CEBPZOS: variants seen among roughly 807,000 people sequenced by gnomAD.
CEBPZOS encodes the protein protein CEBPZOS.
CEBPZOS carries 10 observed loss-of-function variants against 4.8 expected under a neutral mutation model. The ratio of observed to expected loss-of-function variants is 2.07; its 90% confidence interval spans 1.28 to 3.52. The LOEUF is 3.52. CEBPZOS is among the 30% of genes most tolerant of loss of function. The pLI, the probability that CEBPZOS is intolerant of heterozygous loss-of-function variation, is 0.00. For synonymous variants in CEBPZOS, 25 were observed against 14.2 expected, an observed-to-expected ratio of 1.77 and a Z score of -1.72; for missense variants, 98 against 43.6, an observed-to-expected ratio of 2.25 and a Z score of -3.51.
rs1222154099 is a variant in CEBPZOS, at chr2:37,204,628, A to C, written c.*2768A>C. The C allele has an allele frequency of 6.6e-6, 1 of 152,104 alleles. No homozygotes were observed. Among genetic ancestry groups the C allele is most frequent in the African/African-American group, 2.4e-5 (1 of 41,414 alleles). The allele number at this position is 152,104 out of a possible 1,614,324, so 9.4% of individuals were successfully genotyped here. On this transcript the variant is annotated 3_prime_UTR_variant, in exon 5 of 5. Transcript: ENST00000402297. ...CTCATTGTGTTGCCCAGGCTGATTAAAGTTTCTATAAGGTATGTTTATTCT... is the reference window on the plus strand; with the variant it reads ...CTCATTGTGTTGCCCAGGCTGATTACAGTTTCTATAAGGTATGTTTATTCT...
At chr2:37,214,919 CT>C, downstream of CEBPZOS, 1 of 1,610,822 alleles carries the variant, frequency 6.2e-7, no homozygotes, top group Non-Finnish European at 8.5e-7. Flanking sequence ...TGGTATTTGG[CT>C]TTCTTCTTTT....
chr2:37,201,698 A>C lies in CEBPZOS; in HGVS notation c.217A>C (p.Lys73Gln). Residue 73 changes from lysine to glutamine, a missense_variant, in exon 4 of 5, where the codon AAA (lysine) becomes CAA (glutamine). Coordinates refer to ENST00000402297, the MANE Select transcript of CEBPZOS (RefSeq NM_001322374.2). ...GTATGGAATCAGAGAGCTAGATCAAAAAACATGGTTGAACAGCAAAAATTA... is the reference window on the plus strand; with the variant it reads ...GTATGGAATCAGAGAGCTAGATCAACAAACATGGTTGAACAGCAAAAATTA... ...GMYGIRELDQ[K>Q]TWLNSKN The C allele has an allele frequency of 1.0e-6, 1 of 1,003,582 alleles. No individual in the cohort carries two copies. Among genetic ancestry groups the C allele is most frequent in the Non-Finnish European group, 1.5e-6 (1 of 646,078 alleles). 62.2% of individuals were successfully genotyped at this position (1,003,582 alleles called of 1,614,324 possible). A position where few individuals can be genotyped will look rare whatever the true frequency, so the allele number is the denominator to read the frequency against.
In CEBPZOS at chr2:37,201,676, T is replaced by C; in HGVS notation, c.195T>C (p.Tyr65=). Reference sequence around the variant, plus strand: ...AATCCACTGAGAAGTCTGGAATGTATGGAATCAGAGAGCTAGATCAAAAAA... The same window carrying C: ...AATCCACTGAGAAGTCTGGAATGTACGGAATCAGAGAGCTAGATCAAAAAA... ...YYKSTEKSGM[Y]GIRELDQKTW... is the part of the protein sequence containing the mutation. The change falls in exon 4 of 5, where the codon TAT becomes TAC. Residue 65 remains tyrosine (Y), a synonymous_variant. Coordinates refer to ENST00000402297, the MANE Select transcript of CEBPZOS (RefSeq NM_001322374.2). 1 of 824,096 alleles carries C rather than the reference T, an allele frequency of 1.2e-6. No homozygotes were observed. The highest frequency in any genetic ancestry group is 2.1e-6 in the Non-Finnish European group (1 of 482,882). 51.0% of individuals were successfully genotyped at this position (824,096 alleles called of 1,614,324 possible).
chr2:37,208,829 A>G (rs1284332855), downstream of CEBPZOS: 1 of 152,148 alleles, frequency 6.6e-6, no homozygotes, highest in Non-Finnish European at 1.5e-5. Flanking sequence ...CATTCAAATC[A>G]GTAAAGAGGA....
chr2:37,213,318 T>C (rs914777242), intron 4 of CEBPZOS: 1 of 152,460 alleles, frequency 6.6e-6, no homozygotes, highest in African/African-American at 2.4e-5. Flanking sequence ...TAAGCAAATA[T>C]AAATGTTTTC....
chr2:37,212,128 T>C, intron 4 of CEBPZOS: 1 of 1,196,418 alleles, frequency 8.4e-7, no homozygotes, highest in South Asian at 1.5e-5. Flanking sequence ...GGCTATTAAA[T>C]GACTCAGAAG....
exon 5 of CEBPZOS, chr2:37,213,721 T>C: frequency 1.7e-6 from 1 of 593,982 alleles, no homozygotes; most frequent in South Asian, 2.1e-5. Flanking sequence ...GCCCCAAATA[T>C]TTCTTAATCT....
intron 4 of CEBPZOS, chr2:37,212,095 T>C: frequency 7.0e-7 from 1 of 1,437,012 alleles, no homozygotes; most frequent in Non-Finnish European, 9.4e-7. Flanking sequence ...TAAAGTAGTG[T>C]TTTGCTGACT....
intron 4 of CEBPZOS, chr2:37,212,235 C>CA: frequency 8.8e-7 from 1 of 1,137,002 alleles, no homozygotes; most frequent in East Asian, 2.3e-5. Context: ...TACTTGACTA[C>CA]ATTTCCCCTT....
chr2:37,215,951 TAA>T (rs201108820), downstream of CEBPZOS, among the ~76,000 whole-genome samples: 89 of 111,446 alleles, frequency 8.0e-4, no homozygotes, highest in Non-Finnish European at 9.6e-4. Context: ...GTAATAAAGT[TAA>T]AAAAAAAAAA....
downstream of CEBPZOS, among the ~76,000 whole-genome samples, chr2:37,207,980 C>T (rs1246945424): frequency 6.6e-6 from 1 of 152,064 alleles, no homozygotes; most frequent in East Asian, 1.9e-4. Flanking sequence ...ACAACCGATA[C>T]CACAGAAATA....
downstream of CEBPZOS, among the ~76,000 whole-genome samples, chr2:37,208,172 A>T (rs187566425): frequency 1.4e-4 from 22 of 152,306 alleles, no homozygotes; most frequent in East Asian, 4.2e-3. Flanking sequence ...ACTGCCAACA[A>T]AACAAAGTCC....
chr2:37,200,731 G>C (rs71437573), intron 2 of CEBPZOS, among the ~76,000 whole-genome samples: 172 of 152,214 alleles, frequency 1.1e-3, no homozygotes, highest in African/African-American at 4.0e-3. Context: ...GTTGAGGTAG[G>C]AGGCTCCCCT....
chr2:37,205,100 ATG>A (rs1395099685), downstream of CEBPZOS, among the ~76,000 whole-genome samples: 1 of 152,228 alleles, frequency 6.6e-6, no homozygotes, highest in Non-Finnish European at 1.5e-5. Flanking sequence ...TAATTTAAAT[ATG>A]TATCAGTTAA....
chr2:37,207,237 C>T (rs10198835), downstream of CEBPZOS, among the ~76,000 whole-genome samples: 22,475 of 152,164 alleles, frequency 0.15, 1,787 homozygotes, highest in South Asian at 0.26. Flanking sequence ...CAGCCCTAGA[C>T]GGGTCATCAA....
At chr2:37,208,076 T>A (rs747483019), downstream of CEBPZOS, among the ~76,000 whole-genome samples, 1 of 152,030 alleles carries the variant, frequency 6.6e-6, no homozygotes, top group Non-Finnish European at 1.5e-5. Flanking sequence ...CCTGGAAATA[T>A]ACAACCCTTC....
At chr2:37,207,282 C>G (rs1028043920), downstream of CEBPZOS, among the ~76,000 whole-genome samples, 1 of 152,172 alleles carries the variant, frequency 6.6e-6, no homozygotes, top group Non-Finnish European at 1.5e-5. Context: ...TGGACTTAAA[C>G]TATACCTTAG....
intron 4 of CEBPZOS, chr2:37,211,884 G>C (rs775268056): frequency 1.2e-6 from 2 of 1,610,400 alleles, no homozygotes. Context: ...ATCCATGAAT[G>C]TTCCTCCATC....
At chr2:37,208,907 A>G (rs1677626612), downstream of CEBPZOS, 1 of 152,114 alleles carries the variant, frequency 6.6e-6, no homozygotes, top group African/African-American at 2.4e-5. Flanking sequence ...CTCATCCAAA[A>G]AGATCCTAGA....
Sources: allele counts gnomAD v4.1 joint callset (sites outside exome capture counted in the v4.1 genomes callset), GRCh38; gene constraint gnomAD v4.1.1; transcripts MANE v1.5; gene names NCBI Gene and HGNC (gene_info 2026-07-23, HGNC 2026-07-21).